ZFYVE16: variants seen among roughly 807,000 people sequenced by gnomAD.
The protein encoded by ZFYVE16 is zinc finger FYVE-type containing 16, also known as zinc finger FYVE domain-containing protein 16.
ZFYVE16 carries 89 observed loss-of-function variants against 138.1 expected under a neutral mutation model. The observed-to-expected ratio is 0.64, with a 90% CI of 0.54 to 0.77. The LOEUF (loss-of-function observed/expected upper bound fraction) is 0.77. Ranked by LOEUF, ZFYVE16 falls within the 30% of genes least tolerant of loss-of-function variation. The pLI, the probability that ZFYVE16 is intolerant of heterozygous loss-of-function variation, is 0.00. For missense variants in ZFYVE16, 1,793 were observed against 1,786.7 expected (o/e 1.00, Z -0.06); for synonymous variants, 596 against 618.3 (o/e 0.96, Z 0.53).
intron 3 of ZFYVE16, among the ~76,000 whole-genome samples, chr5:80,435,424 C>T (rs1749752732): frequency 6.6e-6 from 1 of 152,218 alleles, no homozygotes; most frequent in African/African-American, 2.4e-5. Flanking sequence ...CTGTCTCAGC[C>T]TCCCAAAGTG....
chr5:80,461,187 G>C (rs1259012784), intron 15 of ZFYVE16, among the ~76,000 whole-genome samples: 5 of 152,118 alleles, frequency 3.3e-5, no homozygotes, highest in African/African-American at 1.2e-4. Flanking sequence ...CAGATGCTCA[G>C]CTGCTAAGTA....
chr5:80,416,402 C>T (rs1311257557), intron 1 of ZFYVE16, among the ~76,000 whole-genome samples: 3 of 151,556 alleles, frequency 2.0e-5, no homozygotes, highest in Admixed American at 6.6e-5. Context: ...ATTATAGGCA[C>T]GCAGCACCAT....
At position 80,455,788 on chromosome 5, in the gene ZFYVE16, C is replaced by A. The variant is rs945545841; in HGVS notation, c.3690+14C>A. Reference sequence around the variant, plus strand: ...AACTTACTTGTTGTGAGTAATTGAACTATTTTATTAGGTATTTTTATACTG... The same window carrying A: ...AACTTACTTGTTGTGAGTAATTGAAATATTTTATTAGGTATTTTTATACTG... On this transcript the variant is annotated intron_variant, in intron 12 of 18. Coordinates refer to ENST00000505560, the MANE Select transcript of ZFYVE16 (RefSeq NM_001284236.3). The A allele has an allele frequency of 2.6e-6, 4 of 1,554,960 alleles. No individual in the cohort carries two copies. The African/African-American group carries it at 5.7e-5, about 22-fold the overall frequency.
intron 7 of ZFYVE16, among the ~76,000 whole-genome samples, chr5:80,445,650 TC>T (rs1338154257): frequency 6.6e-6 from 1 of 151,990 alleles, no homozygotes; most frequent in Non-Finnish European, 1.5e-5. Context: ...AGGCTCTAAC[TC>T]CTGGGCTCAA....
chr5:80,421,380 T>C (rs941837626), intron 1 of ZFYVE16, among the ~76,000 whole-genome samples: 9 of 152,228 alleles, frequency 5.9e-5, no homozygotes, highest in African/African-American at 2.2e-4. Context: ...CATGCCTATG[T>C]CCTGAATGGT....
In ZFYVE16 at chr5:80,421,602, T is replaced by C. The variant is rs548237041; in HGVS notation, c.-93-5890T>C. ...TCAGGTTTGTCAAAGATCAGATGGT[T>C]GTAGATGTGTGGTATTATTTCTGAG... On this transcript the variant is annotated intron_variant, in intron 1 of 18. Transcript: ENST00000505560. Among the ~76,000 whole-genome samples the C allele has an allele frequency of 5.8e-4, 88 of 152,290 alleles. 1 individual carries two copies. Among genetic ancestry groups the C allele is most frequent in the Non-Finnish European group, 2.4e-4 (16 of 68,022 alleles).
intron 6 of ZFYVE16, among the ~76,000 whole-genome samples, chr5:80,444,364 C>A (rs1156548172): frequency 3.3e-5 from 5 of 151,380 alleles, no homozygotes; most frequent in African/African-American, 9.7e-5. Context: ...AATATGTCTA[C>A]CTACATTGCA....
intron 15 of ZFYVE16, among the ~76,000 whole-genome samples, chr5:80,470,759 C>G (rs1437634890): frequency 1.3e-5 from 2 of 152,110 alleles, no homozygotes; most frequent in East Asian, 3.9e-4. Flanking sequence ...TATCCTCCCT[C>G]CTTGTCTTCC....
chr5:80,464,093 CTG>C, intron 15 of ZFYVE16, among the ~76,000 whole-genome samples: 1 of 152,328 alleles, frequency 6.6e-6, no homozygotes, highest in African/African-American at 2.4e-5. Flanking sequence ...GTTCCACCCT[CTG>C]CCTGTTACCA....
rs755786340 is a variant in ZFYVE16, at chr5:80,473,872, G to GA, written c.4293+15dup. 4 of 1,595,194 alleles carry GA rather than the reference G, an allele frequency of 2.5e-6. No individual in the cohort carries two copies. Among genetic ancestry groups the GA allele is most frequent in the Non-Finnish European group, 3.4e-6 (4 of 1,164,784 alleles). On this transcript the variant is annotated intron_variant, in intron 17 of 18. Coordinates refer to ENST00000505560, the MANE Select transcript of ZFYVE16 (RefSeq NM_001284236.3). ...AAAATGTACCGAGGTAACTAAGAAA[G>GA]AAGGTCCCTTTACATGCTGTGTTTC... is the stretch of plus-strand genomic sequence containing the variant.
intron 9 of ZFYVE16, 150 bp downstream of exon 9, chr5:80,449,863 G>T: frequency 1.1e-5 from 8 of 757,964 alleles, no homozygotes; most frequent in Non-Finnish European, 1.4e-5. Context: ...AATAAATTTT[G>T]CAAATTTATG....
intron 1 of ZFYVE16, among the ~76,000 whole-genome samples, chr5:80,416,619 C>G (rs1216414293): frequency 6.6e-6 from 1 of 150,382 alleles, no homozygotes. Context: ...TTTGTCCCAG[C>G]TTTGGCCTTT....
chr5:80,451,377 G>C (rs938371142), intron 10 of ZFYVE16, 108 bp from the exon 11 acceptor site: 1 of 789,624 alleles, frequency 1.3e-6, no homozygotes. Context: ...TATTGGGACA[G>C]TTTATATGTA....
intron 1 of ZFYVE16, among the ~76,000 whole-genome samples, chr5:80,420,381 G>A (rs1746955242): frequency 6.6e-6 from 1 of 151,966 alleles, no homozygotes; most frequent in Non-Finnish European, 1.5e-5. Context: ...GTCCCATGTT[G>A]GTGTGCTGCA....
At chr5:80,474,575 T>C in intron 17 of ZFYVE16, 88 bp from the exon 18 acceptor site, 2 of 1,307,180 alleles carry the variant, frequency 1.5e-6, no homozygotes, top group Non-Finnish European at 2.1e-6. Flanking sequence ...GTACTTACAT[T>C]GGAATTTAAT....
At chr5:80,435,286 G>C (rs74337960) in intron 3 of ZFYVE16, among the ~76,000 whole-genome samples, 1 of 152,170 alleles carries the variant, frequency 6.6e-6, no homozygotes, top group Non-Finnish European at 1.5e-5. Flanking sequence ...ACCCGCCTCA[G>C]CCTCCCAAAG....
At position 80,463,043 on chromosome 5, in the gene ZFYVE16, C is replaced by T. The variant is rs543618694; in HGVS notation, c.4024+3549C>T. Among the ~76,000 whole-genome samples, 25 of 152,366 alleles carry T rather than the reference C, an allele frequency of 1.6e-4. 1 individual carries two copies. The highest frequency in any genetic ancestry group is 1.3e-3 in the Admixed American group (20 of 15,308). ...AGCTGCTTTCATGTGCTGGCATTGT[C>T]TGGCACTTTTCCAAGCACACAGTGC... On this transcript the variant is annotated intron_variant, in intron 15 of 18. Coordinates refer to ENST00000505560, the MANE Select transcript of ZFYVE16 (RefSeq NM_001284236.3).
intron 5 of ZFYVE16, chr5:80,440,937 G>A (rs1345998212): frequency 1.0e-6 from 1 of 985,236 alleles, no homozygotes; most frequent in African/African-American, 1.7e-5. Flanking sequence ...AAGCTCTGAT[G>A]TGAGTCTGTT....
chr5:80,467,605 C>T (rs1309070502), intron 15 of ZFYVE16, among the ~76,000 whole-genome samples: 1 of 152,188 alleles, frequency 6.6e-6, no homozygotes, highest in Non-Finnish European at 1.5e-5. Context: ...AAAAAAGCCA[C>T]ATAACAACAA....
Sources: allele counts gnomAD v4.1 joint callset (sites outside exome capture counted in the v4.1 genomes callset), GRCh38; gene constraint gnomAD v4.1.1; transcripts MANE v1.5; gene names NCBI Gene and HGNC (gene_info 2026-07-23, HGNC 2026-07-21).